The following SEMA5A variants were observed in gnomAD, a reference collection of about 807,000 sequenced individuals.
SEMA5A encodes semaphorin-5A.
Under a neutral mutation model 135.5 loss-of-function variants are expected in SEMA5A, and 55 were observed. The observed-to-expected ratio is 0.41, with a 90% CI of 0.33 to 0.51. The LOEUF (loss-of-function observed/expected upper bound fraction) is 0.51, where lower values mean the gene tolerates loss of function less well. SEMA5A is among the 20% of genes least tolerant of loss of function. The pLI, the probability that SEMA5A is intolerant of heterozygous loss-of-function variation, is 0.37. For synonymous variants in SEMA5A, 580 were observed against 546.5 expected (o/e 1.06, Z -0.85); for missense variants, 1,290 against 1,419.9 (o/e 0.91, Z 1.47).
chr5:9,342,455 G>C (rs1753693020), intron 3 of SEMA5A, among the ~76,000 whole-genome samples: 1 of 152,216 alleles, frequency 6.6e-6, no homozygotes, highest in African/African-American at 2.4e-5. Context: ...GGCTGAGAAA[G>C]CAGGATTTCA....
chr5:9,168,771 A>T (rs934014805), intron 11 of SEMA5A, among the ~76,000 whole-genome samples: 1 of 152,194 alleles, frequency 6.6e-6, no homozygotes, highest in African/African-American at 2.4e-5. Flanking sequence ...CACCCAGCTT[A>T]CAAGAGGTGG....
intron 1 of SEMA5A, among the ~76,000 whole-genome samples, chr5:9,487,691 C>A (rs1734801101): frequency 6.6e-6 from 1 of 152,066 alleles, no homozygotes; most frequent in Admixed American, 6.6e-5. Context: ...ATAGGACACC[C>A]CTCCACTCAC....
At chr5:9,180,686 T>G (rs1744458408) in intron 11 of SEMA5A, among the ~76,000 whole-genome samples, 1 of 152,166 alleles carries the variant, frequency 6.6e-6, no homozygotes, top group Admixed American at 6.5e-5. Flanking sequence ...TAAAGTCTTA[T>G]GTATGTTGGA....
intron 13 of SEMA5A, among the ~76,000 whole-genome samples, chr5:9,130,720 G>T (rs772466308): frequency 5.3e-5 from 8 of 152,136 alleles, no homozygotes; most frequent in Non-Finnish European, 8.8e-5. Context: ...CTTATATTAA[G>T]ATTCTATCAC....
intron 1 of SEMA5A, among the ~76,000 whole-genome samples, chr5:9,513,520 G>C (rs1046741957): frequency 1.3e-5 from 2 of 152,180 alleles, no homozygotes; most frequent in Non-Finnish European, 2.9e-5. Flanking sequence ...AGGGAAAAGA[G>C]AGGAAAGGTT....
At chr5:9,333,301 G>T (rs1692313963) in intron 4 of SEMA5A, among the ~76,000 whole-genome samples, 1 of 152,176 alleles carries the variant, frequency 6.6e-6, no homozygotes, top group African/African-American at 2.4e-5. Context: ...TTTTTCATTA[G>T]CACTGTAGGT....
rs1751831840 is a variant in SEMA5A, at chr5:9,305,722, ATATATT to A, written c.270+12644_270+12649del. Among the ~76,000 whole-genome samples the A allele has an allele frequency of 5.9e-5, 7 of 119,632 alleles. No individual in the cohort carries two copies. The South Asian group carries it at 7.9e-4, about 14-fold the overall frequency. The allele number at this position is 119,632 out of a possible 152,430, so 78.5% of individuals were successfully genotyped here. On this transcript the variant is annotated intron_variant, in intron 5 of 22. Transcript: ENST00000382496. Reference sequence around the variant, plus strand: ...TGTGTGTGTGCGTATATATATATATATATATTTACACGCACACACACACACACACAC... The same window carrying A: ...TGTGTGTGTGCGTATATATATATATATACACGCACACACACACACACACAC...
intron 10 of SEMA5A, among the ~76,000 whole-genome samples, chr5:9,192,577 T>TG (rs34827351): frequency 1.3e-4 from 19 of 151,194 alleles, no homozygotes; most frequent in South Asian, 2.1e-4. Flanking sequence ...TAGTTGTAAT[T>TG]GGGGGGGGGA....
intron 5 of SEMA5A, among the ~76,000 whole-genome samples, chr5:9,310,792 T>C (rs1752089615): frequency 1.1e-5 from 1 of 93,290 alleles, no homozygotes. Flanking sequence ...ATTCATAGTT[T>C]GCATATATAC....
intron 8 of SEMA5A, among the ~76,000 whole-genome samples, chr5:9,221,092 G>T (rs534780604): frequency 2.0e-5 from 3 of 152,120 alleles, no homozygotes; most frequent in African/African-American, 4.8e-5. Context: ...GCCTCCTTCC[G>T]CAACAAGTCC....
At chr5:9,330,389 CAAAA>C (rs10564647) in intron 4 of SEMA5A, among the ~76,000 whole-genome samples, 10 of 106,986 alleles carry the variant, frequency 9.3e-5, no homozygotes, top group African/African-American at 2.3e-4. Flanking sequence ...GACTCTGTCT[CAAAA>C]AAAAAAAAAA....
chr5:9,269,681 T>C (rs1232066420), intron 5 of SEMA5A, among the ~76,000 whole-genome samples: 1 of 152,148 alleles, frequency 6.6e-6, no homozygotes. Flanking sequence ...ATATAAAATG[T>C]AAGATTATAC....
intron 9 of SEMA5A, among the ~76,000 whole-genome samples, chr5:9,199,582 G>A (rs976376741): frequency 2.0e-5 from 3 of 152,124 alleles, no homozygotes; most frequent in Non-Finnish European, 2.9e-5. Flanking sequence ...AGCTCACTTG[G>A]ACAACAGACC....
intron 2 of SEMA5A, among the ~76,000 whole-genome samples, chr5:9,386,299 C>A (rs1394268127): frequency 6.6e-6 from 1 of 152,128 alleles, no homozygotes; most frequent in Non-Finnish European, 1.5e-5. Flanking sequence ...AAGATGGGGT[C>A]CAGTGCATGA....
chr5:9,190,182 T>C (rs1176782917), intron 11 of SEMA5A, 85 bp downstream of exon 11: 6 of 1,420,576 alleles, frequency 4.2e-6, no homozygotes, highest in Non-Finnish European at 5.8e-6. Context: ...AAGCTTGAAA[T>C]TGAAATTGAA....
chr5:9,383,831 T>G (rs1252495501), intron 2 of SEMA5A, among the ~76,000 whole-genome samples: 6 of 152,120 alleles, frequency 3.9e-5, no homozygotes, highest in Non-Finnish European at 8.8e-5. Context: ...CCCTAACATC[T>G]TTGCCACCTG....
chr5:9,362,192 G>C (rs1227568657), intron 3 of SEMA5A, among the ~76,000 whole-genome samples: 1 of 152,058 alleles, frequency 6.6e-6, no homozygotes, highest in Non-Finnish European at 1.5e-5. Context: ...TGCTCATCAG[G>C]CTCAAGCCTC....
chr5:9,136,471 C>T, intron 13 of SEMA5A, 33 bp downstream of exon 13: 1 of 1,564,964 alleles, frequency 6.4e-7, no homozygotes, highest in Non-Finnish European at 8.8e-7. Flanking sequence ...CCATGGGCAG[C>T]ATTTTCAGAG....
intron 11 of SEMA5A, among the ~76,000 whole-genome samples, chr5:9,167,711 T>C (rs2150299830): frequency 1.3e-5 from 2 of 152,342 alleles, no homozygotes; most frequent in Middle Eastern, 6.8e-3. Context: ...TGTGTGCTTA[T>C]GGAAGGTATT....
Sources: gnomAD v4.1 joint callset for allele counts (sites outside exome capture counted in the v4.1 genomes callset) on GRCh38, gnomAD v4.1.1 for gene constraint, MANE v1.5 for transcripts, NCBI Gene and HGNC (gene_info 2026-07-23, HGNC 2026-07-21) for gene names.